The following PPARGC1A variants were observed in gnomAD, a reference collection of about 807,000 sequenced individuals.
PPARGC1A encodes peroxisome proliferator-activated receptor gamma coactivator 1-alpha.
A neutral mutation model predicts 88.7 loss-of-function variants in PPARGC1A; 25 were observed. The ratio of observed to expected loss-of-function variants is 0.28; its 90% CI spans 0.21 to 0.39. The LOEUF is 0.39. PPARGC1A is among the 10% of genes least tolerant of loss of function. The pLI is 1.00. For synonymous variants in PPARGC1A, 363 were observed against 355.6 expected (o/e 1.02, Z -0.24); for missense variants, 880 against 968.7 (o/e 0.91, Z 1.22).
the PPARGC1A span, among the ~76,000 whole-genome samples, chr4:24,229,301 G>A: frequency 4.0e-5 from 6 of 150,508 alleles, no homozygotes; most frequent in East Asian, 2.0e-4. Flanking sequence ...TTACAGACAC[G>A]CGCCACCACG....
chr4:23,971,249 A>T, the PPARGC1A span, among the ~76,000 whole-genome samples: 1 of 152,194 alleles, frequency 6.6e-6, no homozygotes, highest in Non-Finnish European at 1.5e-5. Context: ...CATTTAAGGT[A>T]ATAGTAATGT....
At chr4:24,002,095 CACAGAG>C in the PPARGC1A span, among the ~76,000 whole-genome samples, 2,300 of 116,748 alleles carry the variant, frequency 0.02, 56 homozygotes, top group African/African-American at 0.067. Flanking sequence ...CACACACACA[CACAGAG>C]AGAGAGAGAG....
chr4:24,361,506 C>T, the PPARGC1A span, among the ~76,000 whole-genome samples: 2 of 152,166 alleles, frequency 1.3e-5, no homozygotes, highest in Admixed American at 1.3e-4. Flanking sequence ...ACTCTCTCTG[C>T]CTCTTTCTCT....
At chr4:24,390,493 C>T in the PPARGC1A span, among the ~76,000 whole-genome samples, 1 of 152,018 alleles carries the variant, frequency 6.6e-6, no homozygotes, top group Non-Finnish European at 1.5e-5. Flanking sequence ...AAAGTCAATA[C>T]TGTAATGTTT....
At chr4:24,011,961 G>A in the PPARGC1A span, among the ~76,000 whole-genome samples, 1 of 152,058 alleles carries the variant, frequency 6.6e-6, no homozygotes, top group Non-Finnish European at 1.5e-5. Context: ...TTACATTAAT[G>A]AGGTACCTAA....
the PPARGC1A span, among the ~76,000 whole-genome samples, chr4:24,337,703 A>G: frequency 2.0e-5 from 3 of 152,090 alleles, no homozygotes; most frequent in Non-Finnish European, 4.4e-5. Flanking sequence ...GAAAAAAAAA[A>G]AAAAAATGAG....
chr4:24,192,150 T>C, the PPARGC1A span, among the ~76,000 whole-genome samples: 3 of 152,298 alleles, frequency 2.0e-5, no homozygotes, highest in East Asian at 5.8e-4. Flanking sequence ...TGGTGAAATA[T>C]GCAATGGAGT....
chr4:24,436,304 G>A, the PPARGC1A span, among the ~76,000 whole-genome samples: 1 of 152,214 alleles, frequency 6.6e-6, no homozygotes, highest in African/African-American at 2.4e-5. Context: ...AAGACAGGAT[G>A]GGTGTGACTG....
the PPARGC1A span, among the ~76,000 whole-genome samples, chr4:24,299,428 T>C: frequency 6.6e-6 from 1 of 152,174 alleles, no homozygotes; most frequent in Non-Finnish European, 1.5e-5. Context: ...AGGAACCTAC[T>C]TACAGAAGTC....
chr4:23,975,031 C>CG, the PPARGC1A span, among the ~76,000 whole-genome samples: 2 of 151,802 alleles, frequency 1.3e-5, no homozygotes, highest in Middle Eastern at 3.4e-3. Context: ...GCCATGGCTA[C>CG]GGGCGCAGCA....
chr4:23,965,750 C>A, the PPARGC1A span, among the ~76,000 whole-genome samples: 1 of 152,144 alleles, frequency 6.6e-6, no homozygotes, highest in Non-Finnish European at 1.5e-5. Flanking sequence ...GGTCCTGATT[C>A]CCAACCCACT....
chr4:24,230,938 C>G, the PPARGC1A span, among the ~76,000 whole-genome samples: 1 of 124,658 alleles, frequency 8.0e-6, no homozygotes, highest in Admixed American at 8.5e-5. Flanking sequence ...ACAGACAGAT[C>G]ACAGAATTTA....
chr4:23,992,971 C>T, the PPARGC1A span, among the ~76,000 whole-genome samples: 1 of 152,042 alleles, frequency 6.6e-6, no homozygotes, highest in East Asian at 1.9e-4. Flanking sequence ...TTCTTGGTAA[C>T]TAAAATACCG....
upstream of PPARGC1A, among the ~76,000 whole-genome samples, chr4:23,890,860 G>A (rs1462107903): frequency 6.6e-6 from 1 of 151,960 alleles, no homozygotes; most frequent in Admixed American, 6.6e-5. Flanking sequence ...AAATACAGTC[G>A]CTGCTGCTCT....
At chr4:24,421,343 C>T in the PPARGC1A span, among the ~76,000 whole-genome samples, 2 of 147,276 alleles carry the variant, frequency 1.4e-5, no homozygotes, top group Admixed American at 6.8e-5. Flanking sequence ...TGGAGTCTCG[C>T]TCTGTCGCCC....
At chr4:24,082,451 G>C in the PPARGC1A span, among the ~76,000 whole-genome samples, 1 of 152,168 alleles carries the variant, frequency 6.6e-6, no homozygotes, top group African/African-American at 2.4e-5. Context: ...TTTATACACT[G>C]TACAGTGGCT....
At chr4:23,947,646 G>A in the PPARGC1A span, among the ~76,000 whole-genome samples, 2 of 151,860 alleles carry the variant, frequency 1.3e-5, no homozygotes, top group Non-Finnish European at 2.9e-5. Context: ...TCAAGACGTG[G>A]CCCCTCTGTT....
chr4:23,982,969 C>T, the PPARGC1A span, among the ~76,000 whole-genome samples: 1 of 152,152 alleles, frequency 6.6e-6, no homozygotes, highest in African/African-American at 2.4e-5. Flanking sequence ...AGCCAATCCC[C>T]CTTTTTTACA....
At chr4:24,083,877 GT>G in the PPARGC1A span, among the ~76,000 whole-genome samples, 1 of 152,198 alleles carries the variant, frequency 6.6e-6, no homozygotes, top group Non-Finnish European at 1.5e-5. Context: ...TTTTTGTCCT[GT>G]CTAACAAACA....
Sources: gnomAD v4.1 joint callset for allele counts (sites outside exome capture counted in the v4.1 genomes callset) on GRCh38, gnomAD v4.1.1 for gene constraint, MANE v1.5 for transcripts, NCBI Gene and HGNC (gene_info 2026-07-23, HGNC 2026-07-21) for gene names.